The following CNTNAP2 variants were observed in gnomAD, a reference collection of about 807,000 sequenced individuals.
The protein encoded by CNTNAP2 is contactin associated protein 2.
Under a neutral mutation model 155.2 loss-of-function variants are expected in CNTNAP2, and 98 were observed. The ratio of observed to expected loss-of-function variants is 0.63; its 90% CI spans 0.54 to 0.75. The LOEUF is 0.75. Ranked by LOEUF, CNTNAP2 falls within the 30% of genes least tolerant of loss-of-function variation. The pLI, the probability that CNTNAP2 is intolerant of heterozygous loss-of-function variation, is 0.00. For missense variants in CNTNAP2, 1,727 were observed against 1,688.1 expected, an observed-to-expected ratio of 1.02 and a Z score of -0.40; for synonymous variants, 651 against 631.2, an observed-to-expected ratio of 1.03 and a Z score of -0.47.
At chr7:146,990,517 T>G (rs1798191219) in intron 3 of CNTNAP2, among the ~76,000 whole-genome samples, 1 of 152,294 alleles carries the variant, frequency 6.6e-6, no homozygotes, top group East Asian at 1.9e-4. Context: ...GTTTTAAGAT[T>G]GTTTCATTTA....
rs760984809 is a variant in CNTNAP2 at position 147,144,280 on chromosome 7, C to T, written c.1348+11771C>T. ...ACATAAACTTTAGAGTAACTTTATA[C>T]GAGACATTACGTGTGGACACGGAGA... On this transcript the variant is annotated intron_variant, in intron 8 of 23. Coordinates refer to ENST00000361727, the MANE Select transcript of CNTNAP2 (RefSeq NM_014141.6). Among the ~76,000 whole-genome samples the T allele has an allele frequency of 5.3e-5, 8 of 152,124 alleles. No individual in the cohort carries two copies. The East Asian group carries it at 7.7e-4, about 15-fold the overall frequency.
rs1340170810 is a variant in CNTNAP2 at position 147,300,210 on chromosome 7, C to T, written c.1418C>T (p.Thr473Ile). The change falls in exon 9 of 24, where the codon ACC becomes ATC. Residue 473 changes from threonine to isoleucine, a missense_variant. Physicochemically the swap from Thr to Ile is moderately conservative, Grantham distance 89. Coordinates refer to ENST00000361727, the MANE Select transcript of CNTNAP2 (RefSeq NM_014141.6). Reference sequence around the variant, plus strand: ...GCCAAGGAAAATTTTGCTATTCTCACCATCGATGGAGATGAAGCATCAGCA... The same window carrying T: ...GCCAAGGAAAATTTTGCTATTCTCATCATCGATGGAGATGAAGCATCAGCA... ...FLAKENFAILTIDGDEASAVR... is the reference protein window; with the variant it reads ...FLAKENFAILIIDGDEASAVR... The T allele has an allele frequency of 1.2e-6, 2 of 1,613,872 alleles. No individual in the cohort carries two copies. Among genetic ancestry groups the T allele is most frequent in the Non-Finnish European group, 1.7e-6 (2 of 1,179,938 alleles).
chr7:146,150,301 G>T (rs1363287752), intron 1 of CNTNAP2, among the ~76,000 whole-genome samples: 1 of 152,054 alleles, frequency 6.6e-6, no homozygotes, highest in African/African-American at 2.4e-5. Context: ...TACTCTGCTG[G>T]TTGGAATGAA....
chr7:146,263,059 A>G (rs558702852), intron 1 of CNTNAP2, among the ~76,000 whole-genome samples: 5 of 152,178 alleles, frequency 3.3e-5, no homozygotes, highest in Admixed American at 1.3e-4. Context: ...TGGCTCATGC[A>G]TGTAATCCCA....
In CNTNAP2 at chr7:147,120,985, A is replaced by G. The variant is rs1488923481; in HGVS notation, c.761A>G (p.Asn254Ser). The G allele has an allele frequency of 6.2e-7, 1 of 1,613,434 alleles. No individual in the cohort carries two copies. The highest frequency in any genetic ancestry group is 8.5e-7 in the Non-Finnish European group (1 of 1,179,912). The change falls in exon 6 of 24, where the codon AAC (asparagine) becomes AGC (serine). Residue 254 changes from asparagine to serine, a missense_variant. Asn to Ser is a conservative substitution (Grantham distance 46). Transcript: ENST00000361727. ...TTCACTTCTGTGTACGCAGGAAGCA[A>G]CCAGCTTGGCCCCATATATGGCCAC... ...KLVLSLNLGS[N>S]QLGPIYGHTS... is the part of the protein sequence containing the mutation.
At position 146,477,433 on chromosome 7, in the gene CNTNAP2, C is replaced by A. The variant is rs1796893924; in HGVS notation, c.98-296838C>A. On this transcript the variant is annotated intron_variant, in intron 1 of 23. Coordinates refer to ENST00000361727, the MANE Select transcript of CNTNAP2 (RefSeq NM_014141.6). ...AGTGAGTGATAAAATGTTAAGCTTC[C>A]TAATGATTTCTGTGGTCTCTAGCAT... Among the ~76,000 whole-genome samples the A allele has an allele frequency of 2.6e-5, 4 of 152,036 alleles. No homozygotes were observed. The South Asian group carries it at 8.3e-4, about 32-fold the overall frequency.
chr7:147,245,100 C>T (rs1804026526), intron 8 of CNTNAP2, among the ~76,000 whole-genome samples: 1 of 152,134 alleles, frequency 6.6e-6, no homozygotes, highest in South Asian at 2.1e-4. Context: ...TCCCCAAATA[C>T]TTAGACGACT....
chr7:148,138,882 A>T (rs936976819), intron 16 of CNTNAP2, among the ~76,000 whole-genome samples: 11 of 152,228 alleles, frequency 7.2e-5, no homozygotes, highest in African/African-American at 2.2e-4. Context: ...TTTTTAAATC[A>T]TATAGGCCTA....
intron 3 of CNTNAP2, among the ~76,000 whole-genome samples, chr7:146,861,827 T>G (rs891474767): frequency 6.6e-6 from 1 of 152,160 alleles, no homozygotes; most frequent in African/African-American, 2.4e-5. Flanking sequence ...CATGGCGCCT[T>G]ATAAATATTT....
chr7:148,413,252 C>T (rs1410300378), intron 23 of CNTNAP2, among the ~76,000 whole-genome samples: 2 of 150,442 alleles, frequency 1.3e-5, no homozygotes, highest in East Asian at 2.0e-4. Flanking sequence ...ATCAGCTGGG[C>T]GTACTGGTGG....
intron 1 of CNTNAP2, among the ~76,000 whole-genome samples, chr7:146,409,773 A>C (rs1228583903): frequency 6.6e-6 from 1 of 152,210 alleles, no homozygotes; most frequent in African/African-American, 2.4e-5. Context: ...AAACCTTTAC[A>C]AAAACCACTC....
intron 1 of CNTNAP2, among the ~76,000 whole-genome samples, chr7:146,312,537 A>G (rs932931450): frequency 6.6e-6 from 1 of 152,238 alleles, no homozygotes; most frequent in Non-Finnish European, 1.5e-5. Context: ...CAAGTGAATT[A>G]ACATGCCCTT....
intron 21 of CNTNAP2, among the ~76,000 whole-genome samples, chr7:148,277,651 AAGGC>A (rs1161464387): frequency 6.8e-6 from 1 of 147,620 alleles, no homozygotes; most frequent in Non-Finnish European, 1.5e-5. Flanking sequence ...ACTGGGAAGC[AAGGC>A]AAGAGCCCTA....
intron 21 of CNTNAP2, among the ~76,000 whole-genome samples, chr7:148,297,345 T>C (rs903403202): frequency 6.6e-6 from 1 of 152,100 alleles, no homozygotes; most frequent in Non-Finnish European, 1.5e-5. Context: ...AATTGGTGAG[T>C]GGAGGGTTCC....
At position 146,758,138 on chromosome 7, in the gene CNTNAP2, G is replaced by A. The variant is rs1166967965; in HGVS notation, c.98-16133G>A. ...CGCAAATTCTCTGCTTAGCTTTCAA[G>A]GATCAGCACACTTTCAATCACTTTT... On this transcript the variant is annotated intron_variant, in intron 1 of 23. Transcript: ENST00000361727. Among the ~76,000 whole-genome samples the A allele has an allele frequency of 2.0e-5, 3 of 152,050 alleles. No homozygotes were observed. The East Asian group carries it at 5.8e-4, about 29-fold the overall frequency.
intron 17 of CNTNAP2, among the ~76,000 whole-genome samples, chr7:148,160,584 C>T (rs979973772): frequency 3.3e-5 from 5 of 152,082 alleles, no homozygotes; most frequent in Admixed American, 6.6e-5. Context: ...TCCATTTGGA[C>T]CAATTACTCC....
intron 15 of CNTNAP2, among the ~76,000 whole-genome samples, chr7:148,042,464 C>A (rs1802696222): frequency 6.6e-6 from 1 of 152,162 alleles, no homozygotes. Context: ...GGCCCCTTTT[C>A]ATTATCCTAA....
chr7:146,437,482 T>C (rs956950598), intron 1 of CNTNAP2, among the ~76,000 whole-genome samples: 1 of 151,500 alleles, frequency 6.6e-6, no homozygotes, highest in African/African-American at 2.5e-5. Context: ...TGACTAGAGA[T>C]AATTTTGGCA....
intron 20 of CNTNAP2, among the ~76,000 whole-genome samples, chr7:148,263,629 A>G (rs796360394): frequency 8.5e-4 from 129 of 151,526 alleles, no homozygotes; most frequent in African/African-American, 2.9e-3. Context: ...CCCAGCTACT[A>G]GGGAGGCTGA....
Sources: allele counts gnomAD v4.1 joint callset (sites outside exome capture counted in the v4.1 genomes callset), GRCh38; gene constraint gnomAD v4.1.1; transcripts MANE v1.5; gene names NCBI Gene and HGNC (gene_info 2026-07-23, HGNC 2026-07-21).